The following CPED1 variants were observed in gnomAD, a reference collection of about 807,000 sequenced individuals.
CPED1 encodes cadherin like and PC-esterase domain containing 1.
A neutral mutation model predicts 128.2 loss-of-function variants in CPED1; 114 were observed. The observed-to-expected ratio is 0.89, with a 90% confidence interval of 0.76 to 1.04. The LOEUF is 1.04. Among genes scored for constraint, CPED1 ranks in the 50% least tolerant of loss-of-function variants. The pLI is 0.00. For missense variants in CPED1, 1,211 were observed against 1,207.1 expected, an observed-to-expected ratio of 1.00 and a Z score of -0.05; for synonymous variants, 462 against 426.7, an observed-to-expected ratio of 1.08 and a Z score of -1.02.
At position 121,129,293 on chromosome 7, in the gene CPED1, A is replaced by G. The variant is rs1400819497; in HGVS notation, c.1407+807A>G. Among the ~76,000 whole-genome samples, 49 of 13,426 alleles carry G rather than the reference A, an allele frequency of 3.6e-3. 1 individual carries two copies. Among genetic ancestry groups the G allele is most frequent in the African/African-American group, 7.6e-3 (46 of 6,026 alleles). 8.8% of individuals were successfully genotyped at this position (13,426 alleles called of 152,430 possible). A position where few individuals can be genotyped will look rare whatever the true frequency, so the allele number is the denominator to read the frequency against. ...TATGTGTGTGTGTATATATGTATAT[A>G]TATATATATATATATATACGTATAT... On this transcript the variant is annotated intron_variant, in intron 11 of 22. Coordinates refer to ENST00000310396, the MANE Select transcript of CPED1 (RefSeq NM_024913.5).
At chr7:121,020,915 C>T (rs1792423266) in intron 3 of CPED1, among the ~76,000 whole-genome samples, 1 of 151,852 alleles carries the variant, frequency 6.6e-6, no homozygotes, top group Admixed American at 6.6e-5. Flanking sequence ...GCCAGAGCAA[C>T]ATTTGTATTG....
intron 16 of CPED1, among the ~76,000 whole-genome samples, chr7:121,168,645 C>A (rs1796586615): frequency 2.0e-5 from 3 of 152,188 alleles, no homozygotes; most frequent in Non-Finnish European, 4.4e-5. Flanking sequence ...TTATTATTGA[C>A]AATAGCCTAT....
intron 7 of CPED1, among the ~76,000 whole-genome samples, chr7:121,120,264 A>G (rs933407951): frequency 2.6e-5 from 4 of 152,202 alleles, no homozygotes; most frequent in Non-Finnish European, 5.9e-5. Context: ...CTTTTCCACC[A>G]TCAAAGCACA....
At position 121,263,804 on chromosome 7, in the gene CPED1, G is replaced by A. The variant is rs112087044; in HGVS notation, c.2311-2423G>A. ...GGCTGCCTGGGGATACCCTAGGAGG[G>A]ACTGCACCTTGATATTGAAATGAAA... On this transcript the variant is annotated intron_variant, in intron 18 of 22. Transcript: ENST00000310396. Among the ~76,000 whole-genome samples, 134 of 152,040 alleles carry A rather than the reference G, an allele frequency of 8.8e-4. 1 individual carries two copies. The East Asian group carries it at 0.011, about 13-fold the overall frequency.
chr7:121,180,311 A>G (rs1195465172), intron 16 of CPED1, among the ~76,000 whole-genome samples: 1 of 152,078 alleles, frequency 6.6e-6, no homozygotes, highest in African/African-American at 2.4e-5. Context: ...TTTAAAAGGT[A>G]ACACACAAAT....
chr7:121,051,889 T>TA (rs1793362888), intron 4 of CPED1: 1 of 158,552 alleles, frequency 6.3e-6, no homozygotes, highest in Non-Finnish European at 1.4e-5. Context: ...GGAATAACTT[T>TA]AAAAAAGAAT....
At chr7:121,083,133 T>C (rs962461058) in intron 5 of CPED1, among the ~76,000 whole-genome samples, 1 of 152,130 alleles carries the variant, frequency 6.6e-6, no homozygotes, top group Admixed American at 6.5e-5. Context: ...TTGAGGGTCC[T>C]CCTTACCCTT....
chr7:121,172,661 C>CATACATAGATAGATAGATAG (rs1796676493), intron 16 of CPED1, among the ~76,000 whole-genome samples: 1 of 145,202 alleles, frequency 6.9e-6, no homozygotes, highest in East Asian at 2.0e-4. Context: ...TGGATGGATA[C>CATACATAGATAGATAGATAG]ATAGATAGAT....
At chr7:121,022,303 CT>C (rs527501167) in intron 3 of CPED1, among the ~76,000 whole-genome samples, 50 of 151,972 alleles carry the variant, frequency 3.3e-4, no homozygotes, top group Admixed American at 8.5e-4. Context: ...TCTATTTAGA[CT>C]TAAGTCCACT....
At chr7:121,280,202 A>G (rs1382633717) in intron 22 of CPED1, among the ~76,000 whole-genome samples, 2 of 152,212 alleles carry the variant, frequency 1.3e-5, no homozygotes, top group South Asian at 2.1e-4. Context: ...GAATTAGCTT[A>G]TGCTAAGACT....
chr7:121,038,062 A>G (rs1213134773), intron 3 of CPED1, among the ~76,000 whole-genome samples: 1 of 152,122 alleles, frequency 6.6e-6, no homozygotes, highest in Non-Finnish European at 1.5e-5. Flanking sequence ...TTTTCTAGGT[A>G]TACAATCATA....
chr7:121,045,080 C>CT (rs1353993417), intron 3 of CPED1, among the ~76,000 whole-genome samples: 1 of 152,098 alleles, frequency 6.6e-6, no homozygotes, highest in African/African-American at 2.4e-5. Flanking sequence ...GCCAGGTGCA[C>CT]TTTTAAAATA....
chr7:121,225,107 G>A (rs1797972038), intron 16 of CPED1, among the ~76,000 whole-genome samples: 1 of 152,082 alleles, frequency 6.6e-6, no homozygotes, highest in African/African-American at 2.4e-5. Flanking sequence ...TGCAGTGGCT[G>A]GTACCGGTTG....
At chr7:121,105,496 G>C (rs1794953527) in intron 7 of CPED1, among the ~76,000 whole-genome samples, 1 of 152,120 alleles carries the variant, frequency 6.6e-6, no homozygotes, top group African/African-American at 2.4e-5. Flanking sequence ...AGGCCCGGGA[G>C]ATTTATGTCA....
chr7:121,214,845 C>T (rs1031190305), intron 16 of CPED1, among the ~76,000 whole-genome samples: 62 of 152,014 alleles, frequency 4.1e-4, no homozygotes, highest in Non-Finnish European at 1.0e-4. Flanking sequence ...TTGAGCTTAA[C>T]TGTGGATGTA....
rs1792118871 is a variant in CPED1, at chr7:121,266,208, C to T, written c.2311-19C>T. On this transcript the variant is annotated intron_variant, in intron 18 of 22. Coordinates refer to ENST00000310396, the MANE Select transcript of CPED1 (RefSeq NM_024913.5). ...GTAAACATAAGCTTTTAAACAAATG[C>T]TTTCTCTTTAACTTATAGATTCTGT... is the stretch of plus-strand genomic sequence containing the variant. The T allele has an allele frequency of 1.3e-6, 2 of 1,577,690 alleles. No homozygotes were observed. The highest frequency in any genetic ancestry group is 1.7e-6 in the Non-Finnish European group (2 of 1,147,690).
At chr7:120,995,118 A>G (rs1796375087) in intron 2 of CPED1, among the ~76,000 whole-genome samples, 1 of 152,184 alleles carries the variant, frequency 6.6e-6, no homozygotes, top group South Asian at 2.1e-4. Flanking sequence ...CTAATATGAT[A>G]TGCTCCCTGT....
At chr7:121,114,474 A>G (rs1179997713) in intron 7 of CPED1, among the ~76,000 whole-genome samples, 1 of 152,240 alleles carries the variant, frequency 6.6e-6, no homozygotes, top group Non-Finnish European at 1.5e-5. Context: ...TGCTTCTGTA[A>G]AAGCAGGCTG....
chr7:121,017,885 A>G (rs759967496), intron 3 of CPED1, among the ~76,000 whole-genome samples: 1 of 152,164 alleles, frequency 6.6e-6, no homozygotes, highest in Non-Finnish European at 1.5e-5. Flanking sequence ...AGATAACTAT[A>G]TAGTGTCCCT....
Sources: allele counts gnomAD v4.1 joint callset (sites outside exome capture counted in the v4.1 genomes callset), GRCh38; gene constraint gnomAD v4.1.1; transcripts MANE v1.5; gene names NCBI Gene and HGNC (gene_info 2026-07-23, HGNC 2026-07-21).